KANSL1: variants seen among roughly 807,000 people sequenced by gnomAD.
KANSL1 encodes the protein KAT8 regulatory NSL complex subunit 1.
Under a neutral mutation model 103.6 loss-of-function variants are expected in KANSL1, and 22 were observed. The ratio of observed to expected loss-of-function variants is 0.21; its 90% CI spans 0.15 to 0.30. KANSL1 has a LOEUF of 0.30. KANSL1 is among the 10% of genes least tolerant of loss of function. The probability of loss-of-function intolerance (pLI) is 1.00; values close to 1 mark genes in which losing one functional copy is unlikely to be tolerated. For missense variants in KANSL1, 1,337 were observed against 1,399.8 expected (o/e 0.96, Z 0.72); for synonymous variants, 600 against 527.6 (o/e 1.14, Z -1.88).
chr17:46,146,443 T>A (rs1360800509), intron 2 of KANSL1, among the ~76,000 whole-genome samples: 1 of 152,130 alleles, frequency 6.6e-6, no homozygotes, highest in Non-Finnish European at 1.5e-5. Flanking sequence ...TCTACACTGA[T>A]CCTAAATTGA....
chr17:46,050,591 C>T lies in KANSL1; in HGVS notation c.1962G>A (p.Leu654=), dbSNP rs1180890140. 1.9e-6 allele frequency: 3 copies of T among 1,614,080 alleles called. No homozygotes were observed. In the African/African-American group the frequency reaches 4.0e-5, roughly 22 times the overall value. Residue 654 remains leucine, a synonymous_variant, in exon 7 of 15, where the codon CTG becomes CTA. Coordinates refer to ENST00000432791, the MANE Select transcript of KANSL1 (RefSeq NM_015443.4). ...AGTCCAACTGGGAAAGACGTTCCAACAGAGGGGCTTCATAGTGAATTTCGG... is the reference window on the plus strand; with the variant it reads ...AGTCCAACTGGGAAAGACGTTCCAATAGAGGGGCTTCATAGTGAATTTCGG... The part of the protein sequence containing the change: ...MPPEIHYEAP[L]LERLSQLDSC...
At chr17:46,218,645 T>C (rs1283550513) in intron 1 of KANSL1, among the ~76,000 whole-genome samples, 1 of 152,038 alleles carries the variant, frequency 6.6e-6, no homozygotes, top group African/African-American at 2.4e-5. Context: ...AAGCCGGGCA[T>C]GCTGGCATGC....
intron 1 of KANSL1, among the ~76,000 whole-genome samples, chr17:46,208,768 T>G (rs1042858264): frequency 7.1e-6 from 1 of 140,804 alleles, no homozygotes; most frequent in African/African-American, 2.8e-5. Context: ...AGACAGAGGG[T>G]GCAGGAACCT....
At chr17:46,177,435 A>C (rs186998374) in intron 1 of KANSL1, among the ~76,000 whole-genome samples, 46 of 152,322 alleles carry the variant, frequency 3.0e-4, no homozygotes, top group Middle Eastern at 3.4e-3. Flanking sequence ...GATGTTGTTT[A>C]TAATAAAAAG....
At chr17:46,137,869 A>T (rs1209871364) in intron 2 of KANSL1, among the ~76,000 whole-genome samples, 2 of 150,910 alleles carry the variant, frequency 1.3e-5, no homozygotes, top group Admixed American at 6.6e-5. Flanking sequence ...TCTGTCTCAA[A>T]AAAAAAAAAA....
chr17:46,188,477 C>G (rs1024031405), intron 1 of KANSL1, among the ~76,000 whole-genome samples: 1 of 152,222 alleles, frequency 6.6e-6, no homozygotes, highest in African/African-American at 2.4e-5. Context: ...TTAAAACAGA[C>G]TTCCAAGAAA....
chr17:46,103,964 G>A (rs1214564756), intron 2 of KANSL1, among the ~76,000 whole-genome samples: 2 of 152,300 alleles, frequency 1.3e-5, no homozygotes, highest in South Asian at 2.1e-4. Flanking sequence ...GGAGGCAGAG[G>A]TTGCAGTGAG....
At chr17:46,045,808 C>G (rs2077484995) in intron 7 of KANSL1, 2 of 152,230 alleles carry the variant, frequency 1.3e-5, no homozygotes, top group Admixed American at 1.3e-4. Context: ...AGCTGAGAGA[C>G]ACACAGTCTG....
At chr17:46,166,213 C>CCAAAAAAAAA (rs1555573289) in intron 2 of KANSL1, among the ~76,000 whole-genome samples, 52 of 95,098 alleles carry the variant, frequency 5.5e-4, no homozygotes, top group Admixed American at 1.4e-3. Context: ...GACTCTGTCT[C>CCAAAAAAAAA]AAAAAAAAAA....
At chr17:46,213,874 C>T (rs529908325) in intron 1 of KANSL1, among the ~76,000 whole-genome samples, 4 of 151,890 alleles carry the variant, frequency 2.6e-5, no homozygotes, top group African/African-American at 9.7e-5. Flanking sequence ...GCCGAGACTG[C>T]GCCACTGCAC....
At chr17:46,203,653 G>C (rs1289136919) in intron 1 of KANSL1, among the ~76,000 whole-genome samples, 1 of 152,212 alleles carries the variant, frequency 6.6e-6, no homozygotes, top group Non-Finnish European at 1.5e-5. Flanking sequence ...AATTTTAGTG[G>C]CTTTATGCTT....
At chr17:46,193,882 G>C (rs1002839758), upstream of KANSL1, 1 of 157,766 alleles carries the variant, frequency 6.3e-6, no homozygotes, top group Non-Finnish European at 1.4e-5. Flanking sequence ...GTGTAGTAAA[G>C]AGGGTAAGGC....
At chr17:46,169,564 CCA>C (rs2046176492) in intron 2 of KANSL1, 1 of 152,244 alleles carries the variant, frequency 6.6e-6, no homozygotes. Flanking sequence ...CCAATTCTTC[CCA>C]CATATTCATC....
At chr17:46,099,819 G>A (rs2042234455) in intron 2 of KANSL1, among the ~76,000 whole-genome samples, 1 of 152,172 alleles carries the variant, frequency 6.6e-6, no homozygotes, top group Non-Finnish European at 1.5e-5. Context: ...CTCGTATTTT[G>A]CTCATTGCTT....
At chr17:46,159,396 G>A (rs1449272953) in intron 2 of KANSL1, among the ~76,000 whole-genome samples, 2 of 152,164 alleles carry the variant, frequency 1.3e-5, no homozygotes, top group Non-Finnish European at 1.5e-5. Context: ...CAAATGCTAA[G>A]AAAAATAACC....
chr17:46,104,111 A>G (rs1232670031), intron 2 of KANSL1, among the ~76,000 whole-genome samples: 1 of 152,228 alleles, frequency 6.6e-6, no homozygotes, highest in Non-Finnish European at 1.5e-5. Context: ...TTTTTTGTAC[A>G]TTAAATTTTT....
At chr17:46,092,365 A>C (rs1454379660) in intron 3 of KANSL1, among the ~76,000 whole-genome samples, 1 of 152,250 alleles carries the variant, frequency 6.6e-6, no homozygotes, top group African/African-American at 2.4e-5. Flanking sequence ...AGCATGAACC[A>C]AATGAGGTGA....
chr17:46,107,524 A>G (rs1462195531), intron 2 of KANSL1, among the ~76,000 whole-genome samples: 1 of 152,134 alleles, frequency 6.6e-6, no homozygotes, highest in Non-Finnish European at 1.5e-5. Flanking sequence ...TGGCTTTTCT[A>G]TTGTCTTTTT....
chr17:46,062,904 G>T (rs1404180012), intron 6 of KANSL1, among the ~76,000 whole-genome samples: 1 of 152,026 alleles, frequency 6.6e-6, no homozygotes, highest in Non-Finnish European at 1.5e-5. Flanking sequence ...ACAAAAAATA[G>T]CTGGGCGTGG....
Sources: gnomAD v4.1 joint callset for allele counts (sites outside exome capture counted in the v4.1 genomes callset) on GRCh38, gnomAD v4.1.1 for gene constraint, MANE v1.5 for transcripts, NCBI Gene and HGNC (gene_info 2026-07-23, HGNC 2026-07-21) for gene names.